The following AFG3L2 variants were observed in gnomAD, a reference collection of about 807,000 sequenced individuals.
The protein encoded by AFG3L2 is mitochondrial inner membrane m-AAA protease component AFG3L2.
AFG3L2 carries 54 observed loss-of-function variants against 94.5 expected under a neutral mutation model. The ratio of observed to expected loss-of-function variants is 0.57; its 90% confidence interval spans 0.46 to 0.72. The LOEUF (loss-of-function observed/expected upper bound fraction) is 0.72, where lower values mean the gene tolerates loss of function less well. Ranked by LOEUF, AFG3L2 falls within the 30% of genes least tolerant of loss-of-function variation. The pLI is 0.00. For missense variants in AFG3L2, 754 were observed against 994.9 expected (o/e 0.76, Z 3.26); for synonymous variants, 377 against 365.5 (o/e 1.03, Z -0.36).
intron 3 of AFG3L2, among the ~76,000 whole-genome samples, chr18:12,368,594 AGAGTG>A: frequency 1.3e-5 from 2 of 152,274 alleles, no homozygotes; most frequent in South Asian, 4.1e-4. Context: ...TCTGTCTCCC[AGAGTG>A]GAGTACAATG....
At chr18:12,352,930 G>A in intron 10 of AFG3L2, 75 bp downstream of exon 10, 1 of 1,594,492 alleles carries the variant, frequency 6.3e-7, no homozygotes, top group South Asian at 1.1e-5. Context: ...CTTCAGCCTG[G>A]ACGACAGAGT....
chr18:12,344,300 T>C, intron 13 of AFG3L2, 53 bp from the exon 14 acceptor site: 1 of 1,428,948 alleles, frequency 7.0e-7, no homozygotes, highest in African/African-American at 1.4e-5. Context: ...GACACTGACA[T>C]TAAAAGACAG....
At chr18:12,367,457 G>C in intron 3 of AFG3L2, 75 bp from the exon 4 acceptor site, 1 of 1,382,498 alleles carries the variant, frequency 7.2e-7, no homozygotes, top group Admixed American at 1.7e-5. Flanking sequence ...CATGTATACG[G>C]TTTAATAAAA....
At chr18:12,347,930 G>C (rs1380151859) in intron 13 of AFG3L2, among the ~76,000 whole-genome samples, 1 of 152,202 alleles carries the variant, frequency 6.6e-6, no homozygotes, top group Non-Finnish European at 1.5e-5. Context: ...TAAACAGGAA[G>C]GTTGTGAGCT....
Position 12,348,334 on chromosome 18 carries a change from C to G in AFG3L2, c.1602G>C (p.Arg534Ser). 1 of 1,614,126 alleles carries G rather than the reference C, an allele frequency of 6.2e-7. No homozygotes were observed. The highest frequency in any genetic ancestry group is 8.5e-7 in the Non-Finnish European group (1 of 1,180,028). ...VCNEAALIAA[R>S]HLSDSINQKH... ...TCTGATTTATGGAATCTGACAGATG[C>G]CTTGCAGCAATCAACGCAGCTTCAT... Residue 534 changes from arginine (R) to serine (S), a missense_variant, in exon 13 of 17, where the codon AGG (arginine) becomes AGC (serine). Arg to Ser is a moderately radical substitution (Grantham distance 110, BLOSUM62 -1). Coordinates refer to ENST00000269143, the MANE Select transcript of AFG3L2 (RefSeq NM_006796.3).
chr18:12,355,371 G>A (rs78019704), intron 9 of AFG3L2, among the ~76,000 whole-genome samples: 17,477 of 152,116 alleles, frequency 0.11, 1,149 homozygotes, highest in East Asian at 0.22. Flanking sequence ...TCATGGAAAT[G>A]CAAATCAAAA....
chr18:12,333,368 T>G (rs1293147269), intron 16 of AFG3L2, among the ~76,000 whole-genome samples: 1 of 135,238 alleles, frequency 7.4e-6, no homozygotes, highest in Non-Finnish European at 1.5e-5. Flanking sequence ...ATATATATTT[T>G]TTCCCCCTGA....
Position 12,348,310 on chromosome 18 carries a change from C to T in AFG3L2, c.1626G>A (p.Gln542=). Residue 542 remains glutamine, a synonymous_variant, in exon 13 of 17, where the codon CAG becomes CAA. Transcript: ENST00000269143. The part of the protein sequence containing the change: ...AARHLSDSIN[Q]KHFEQAIERV... ...GTTCAATTGCCTGTTCAAAGTGTTTCTGATTTATGGAATCTGACAGATGCC... is the reference window on the plus strand; with the variant it reads ...GTTCAATTGCCTGTTCAAAGTGTTTTTGATTTATGGAATCTGACAGATGCC... 1 of 1,614,168 alleles carries T rather than the reference C, an allele frequency of 6.2e-7. No homozygotes were observed. The highest frequency in any genetic ancestry group is 2.2e-5 in the East Asian group (1 of 44,882).
In AFG3L2 at chr18:12,329,640, T is replaced by C; in HGVS notation, c.2319A>G (p.Pro773=). ...TGSLDEDTSL[P]EGLKDWNKER... The stretch of plus-strand genomic sequence containing the variant: ...CCTTGTTCCAGTCCTTAAGGCCTTC[T>C]GGAAGTGAGGTGTCCTCATCCAAGC... The change falls in exon 17 of 17, where the codon CCA becomes CCG. Residue 773 remains proline (P), a synonymous_variant. Transcript: ENST00000269143. The C allele has an allele frequency of 1.2e-6, 2 of 1,614,208 alleles. No individual in the cohort carries two copies. The highest frequency in any genetic ancestry group is 2.2e-5 in the South Asian group (2 of 91,076).
chr18:12,340,163 A>G (rs1195629205), intron 15 of AFG3L2, 38 bp downstream of exon 15: 1 of 1,556,652 alleles, frequency 6.4e-7, no homozygotes, highest in Non-Finnish European at 8.9e-7. Flanking sequence ...TGCAAATATG[A>G]ATACATGAGG....
chr18:12,361,462 G>C (rs1908659356), intron 6 of AFG3L2, among the ~76,000 whole-genome samples: 1 of 151,930 alleles, frequency 6.6e-6, no homozygotes, highest in South Asian at 2.1e-4. Context: ...GCCTGGTCAA[G>C]ATGGTGAAAC....
intron 15 of AFG3L2, among the ~76,000 whole-genome samples, chr18:12,337,990 G>C (rs975009726): frequency 5.9e-5 from 9 of 152,112 alleles, no homozygotes; most frequent in African/African-American, 2.2e-4. Context: ...GGCTGGTCTT[G>C]AACTCCTGAC....
chr18:12,374,502 G>C (rs1273556045), intron 1 of AFG3L2, among the ~76,000 whole-genome samples: 1 of 152,126 alleles, frequency 6.6e-6, no homozygotes, highest in South Asian at 2.1e-4. Context: ...GCACAGTAAT[G>C]CCCAGGTGTC....
chr18:12,331,814 T>A (rs1459669731), intron 16 of AFG3L2, among the ~76,000 whole-genome samples: 8 of 1,390 alleles, frequency 5.8e-3, no homozygotes, highest in Admixed American at 0.021. Flanking sequence ...AATAAATATA[T>A]ATATATATAT....
At chr18:12,371,307 T>A (rs1908982839) in intron 2 of AFG3L2, among the ~76,000 whole-genome samples, 1 of 132,352 alleles carries the variant, frequency 7.6e-6, no homozygotes, top group Admixed American at 8.1e-5. Flanking sequence ...AGAGCCAAAC[T>A]CAGTCTCCAA....
chr18:12,336,879 G>C (rs1907758769), intron 16 of AFG3L2, among the ~76,000 whole-genome samples: 1 of 152,160 alleles, frequency 6.6e-6, no homozygotes, highest in Non-Finnish European at 1.5e-5. Context: ...TCTTGTGGAA[G>C]TTCATGAGCA....
At position 12,360,055 on chromosome 18, in the gene AFG3L2, T is replaced by C. The variant is rs370363263; in HGVS notation, c.628-4A>G. The C allele has an allele frequency of 5.0e-5, 81 of 1,613,456 alleles. No individual in the cohort carries two copies. The African/African-American group carries it at 1.0e-3, about 20-fold the overall frequency. On this transcript the variant is annotated splice_polypyrimidine_tract_variant and splice_region_variant and intron_variant, in intron 6 of 16. Transcript: ENST00000269143. The stretch of plus-strand genomic sequence containing the variant: ...CAATATTAAACCAAACGTATTGCTA[T>C]AAAAACAAAAAAACAAATATCCTAA...
At chr18:12,331,806 TA>T (rs1907534949) in intron 16 of AFG3L2, among the ~76,000 whole-genome samples, 1 of 59,050 alleles carries the variant, frequency 1.7e-5, no homozygotes. Flanking sequence ...AGTAAATAAA[TA>T]AATATATATA....
At position 12,336,094 on chromosome 18, in the gene AFG3L2, G is replaced by A. The variant is rs117211476; in HGVS notation, c.2175+1247C>T. On this transcript the variant is annotated intron_variant, in intron 16 of 16. Transcript: ENST00000269143. ...AAGCTAGCTTCGGGAGGAATTTATA[G>A]TTTAAATGATAATAGCACTTCCCCA... Among the ~76,000 whole-genome samples, 689 of 152,302 alleles carry A rather than the reference G, an allele frequency of 4.5e-3. 5 individuals are homozygous for A. The highest frequency in any genetic ancestry group is 8.5e-3 in the South Asian group (41 of 4,820).
Sources: allele counts gnomAD v4.1 joint callset (sites outside exome capture counted in the v4.1 genomes callset), GRCh38; gene constraint gnomAD v4.1.1; transcripts MANE v1.5; gene names NCBI Gene and HGNC (gene_info 2026-07-23, HGNC 2026-07-21).